The following KCNMA1 variants were observed in gnomAD, a reference collection of about 807,000 sequenced individuals.
KCNMA1 encodes Calcium-activated potassium channel subunit alpha-1.
KCNMA1 carries 29 observed loss-of-function variants against 140.0 expected under a neutral mutation model. The ratio of observed to expected loss-of-function variants is 0.21; its 90% CI spans 0.15 to 0.28. The LOEUF is 0.28. Among genes scored for constraint, KCNMA1 ranks in the 10% least tolerant of loss-of-function variants. The pLI is 1.00. For missense variants in KCNMA1, 880 were observed against 1,602.2 expected (o/e 0.55, Z 7.70); for synonymous variants, 612 against 611.9 (o/e 1.00, Z 0.00).
chr10:77,392,370 A>C (rs2095867420), intron 2 of KCNMA1, among the ~76,000 whole-genome samples: 1 of 152,122 alleles, frequency 6.6e-6, no homozygotes, highest in Non-Finnish European at 1.5e-5. Context: ...GGCCCCTGGG[A>C]TTCAGCTGCA....
intron 23 of KCNMA1, among the ~76,000 whole-genome samples, chr10:76,937,643 A>G (rs1259746341): frequency 6.6e-6 from 1 of 152,222 alleles, no homozygotes; most frequent in Non-Finnish European, 1.5e-5. Context: ...ACACAAAGAT[A>G]AAAGAGAAAT....
chr10:77,330,572 C>T (rs1440515298), intron 2 of KCNMA1, among the ~76,000 whole-genome samples: 1 of 152,184 alleles, frequency 6.6e-6, no homozygotes, highest in Non-Finnish European at 1.5e-5. Context: ...CTGCTATGCA[C>T]CTTGGTTCCT....
chr10:77,368,917 C>G (rs1394083336), intron 2 of KCNMA1, among the ~76,000 whole-genome samples: 1 of 152,188 alleles, frequency 6.6e-6, no homozygotes, highest in Non-Finnish European at 1.5e-5. Flanking sequence ...GCCAATATGA[C>G]ACTGTCTTGA....
intron 7 of KCNMA1, among the ~76,000 whole-genome samples, chr10:77,112,094 G>T (rs945691910): frequency 1.3e-5 from 2 of 152,114 alleles, no homozygotes. Flanking sequence ...AGTTATTGCA[G>T]ACAGAAGGAA....
At chr10:76,914,675 C>T (rs1381254384) in intron 24 of KCNMA1, 1 of 408,814 alleles carries the variant, frequency 2.4e-6, no homozygotes, top group Non-Finnish European at 4.6e-6. Context: ...GCCCCAATCG[C>T]AAATCCATCA....
At chr10:77,612,260 G>T (rs559130928) in intron 1 of KCNMA1, among the ~76,000 whole-genome samples, 6 of 152,346 alleles carry the variant, frequency 3.9e-5, no homozygotes, top group African/African-American at 7.2e-5. Context: ...GGCTGAACTA[G>T]TCAAGAAGTC....
chr10:77,531,889 G>T (rs1684668051), intron 1 of KCNMA1, among the ~76,000 whole-genome samples: 2 of 152,182 alleles, frequency 1.3e-5, no homozygotes, highest in African/African-American at 4.8e-5. Flanking sequence ...TGCCCCTACA[G>T]CTTCCTGCAG....
At chr10:76,897,334 C>G (rs1300053589) in intron 25 of KCNMA1, among the ~76,000 whole-genome samples, 1 of 151,036 alleles carries the variant, frequency 6.6e-6, no homozygotes, top group Non-Finnish European at 1.5e-5. Context: ...TAGACCTGTA[C>G]TCGGTGAATA....
At chr10:77,219,838 T>C (rs1332123639) in intron 3 of KCNMA1, among the ~76,000 whole-genome samples, 1 of 152,168 alleles carries the variant, frequency 6.6e-6, no homozygotes, top group Non-Finnish European at 1.5e-5. Flanking sequence ...AGACTACTGG[T>C]TTGTTTCTCA....
chr10:77,154,889 C>T (rs1194924414), intron 5 of KCNMA1, among the ~76,000 whole-genome samples: 1 of 152,204 alleles, frequency 6.6e-6, no homozygotes, highest in Non-Finnish European at 1.5e-5. Flanking sequence ...CTATAAAACA[C>T]ACAAATTCCA....
intron 2 of KCNMA1, among the ~76,000 whole-genome samples, chr10:77,316,565 C>T (rs773021772): frequency 9.8e-4 from 149 of 152,240 alleles, no homozygotes; most frequent in Middle Eastern, 3.4e-3. Context: ...CCTCTAAGAT[C>T]CAGGTAACGC....
chr10:77,352,267 G>A (rs2154387187), intron 2 of KCNMA1, among the ~76,000 whole-genome samples: 1 of 152,332 alleles, frequency 6.6e-6, no homozygotes, highest in South Asian at 2.1e-4. Context: ...CTGGTTAGTG[G>A]TCCTTTGGAA....
chr10:77,607,959 C>A (rs1603638363), intron 1 of KCNMA1, among the ~76,000 whole-genome samples: 1 of 152,144 alleles, frequency 6.6e-6, no homozygotes, highest in African/African-American at 2.4e-5. Context: ...CCCATCCCTG[C>A]CTTCCCGTAA....
At chr10:77,254,967 C>A (rs571311923) in intron 2 of KCNMA1, among the ~76,000 whole-genome samples, 2 of 152,326 alleles carry the variant, frequency 1.3e-5, no homozygotes, top group Non-Finnish European at 2.9e-5. Context: ...TTGGGGGCAG[C>A]AGTGTGATAC....
At chr10:77,510,577 G>A (rs1356062857) in intron 1 of KCNMA1, among the ~76,000 whole-genome samples, 2 of 151,276 alleles carry the variant, frequency 1.3e-5, no homozygotes, top group Non-Finnish European at 2.9e-5. Flanking sequence ...ATTAACATAT[G>A]AAAGGTCTGT....
chr10:77,039,708 A>G, intron 14 of KCNMA1, 71 bp from the exon 15 acceptor site: 1 of 915,542 alleles, frequency 1.1e-6, no homozygotes, highest in South Asian at 1.3e-5. Flanking sequence ...CCTGAGTTAC[A>G]CTCTTAGGCA....
intron 20 of KCNMA1, among the ~76,000 whole-genome samples, chr10:76,959,737 T>C (rs1052278222): frequency 1.3e-5 from 2 of 152,212 alleles, no homozygotes; most frequent in Admixed American, 6.5e-5. Flanking sequence ...ACTACTACTA[T>C]TGCTGCTACT....
At chr10:77,345,366 T>C (rs1437424379) in intron 2 of KCNMA1, among the ~76,000 whole-genome samples, 1 of 151,696 alleles carries the variant, frequency 6.6e-6, no homozygotes, top group Non-Finnish European at 1.5e-5. Flanking sequence ...GCTCCCCCTT[T>C]GCCAGGTGGT....
In KCNMA1 at chr10:77,473,021, C is replaced by A. The variant is rs749983095; in HGVS notation, c.379-68998G>T. Among the ~76,000 whole-genome samples, 106 of 152,218 alleles carry A rather than the reference C, an allele frequency of 7.0e-4. 2 individuals carry two copies. The highest frequency in any genetic ancestry group is 1.6e-4 in the Non-Finnish European group (11 of 68,032). On this transcript the variant is annotated intron_variant, in intron 1 of 27. Coordinates refer to ENST00000286628, the MANE Select transcript of KCNMA1 (RefSeq NM_001161352.2). ...GGGGCCACCCACCAGGGTGCTGTAC[C>A]CTAACCCTCCACGGCTGTGGCCTGC... is the stretch of plus-strand genomic sequence containing the variant.
Sources: gnomAD v4.1 joint callset for allele counts (sites outside exome capture counted in the v4.1 genomes callset) on GRCh38, gnomAD v4.1.1 for gene constraint, MANE v1.5 for transcripts, NCBI Gene and HGNC (gene_info 2026-07-23, HGNC 2026-07-21) for gene names.